KCNB2: variants seen among roughly 807,000 people sequenced by gnomAD.
KCNB2 encodes delayed rectifier potassium channel protein.
In KCNB2, 15 loss-of-function variants were observed where a neutral mutation model predicts 61.5. That is an observed-to-expected ratio of 0.24 (90% CI 0.16 to 0.38). The LOEUF is 0.38. KCNB2 is among the 10% of genes least tolerant of loss of function. The probability of loss-of-function intolerance (pLI) is 1.00; values close to 1 mark genes in which losing one functional copy is unlikely to be tolerated. For missense variants in KCNB2, 828 were observed against 1,125.2 expected, an observed-to-expected ratio of 0.74 and a Z score of 3.78; for synonymous variants, 457 against 446.0, an observed-to-expected ratio of 1.02 and a Z score of -0.31.
Position 72,636,862 on chromosome 8 carries a change from C to T in KCNB2, c.579+68549C>T, listed in dbSNP as rs79842343. On this transcript the variant is annotated intron_variant, in intron 2 of 2. Transcript: ENST00000523207. ...AGAAAAACAAACAGCCATAAAAGTC[C>T]GATATTGGCCCATTTCTGCCACCAA... Among the ~76,000 whole-genome samples the T allele has an allele frequency of 3.0e-3, 450 of 152,120 alleles. 2 individuals are homozygous for T. Among genetic ancestry groups the T allele is most frequent in the Middle Eastern group, 6.8e-3 (2 of 294 alleles).
chr8:72,818,020 T>C (rs1320619760), intron 2 of KCNB2, among the ~76,000 whole-genome samples: 3 of 152,156 alleles, frequency 2.0e-5, no homozygotes, highest in African/African-American at 7.2e-5. Flanking sequence ...ATTTCACAAG[T>C]AAAGAATTAT....
chr8:72,590,142 G>A (rs1446286914), intron 2 of KCNB2, among the ~76,000 whole-genome samples: 5 of 152,176 alleles, frequency 3.3e-5, no homozygotes, highest in African/African-American at 4.8e-5. Flanking sequence ...GACACCCAGA[G>A]TCATTTTACT....
chr8:72,799,324 TA>T (rs1265428702), intron 2 of KCNB2, among the ~76,000 whole-genome samples: 1 of 152,148 alleles, frequency 6.6e-6, no homozygotes, highest in African/African-American at 2.4e-5. Context: ...GACCCCCATC[TA>T]AAAAACTAAA....
chr8:72,664,913 A>T (rs1806442273), intron 2 of KCNB2, among the ~76,000 whole-genome samples: 1 of 152,212 alleles, frequency 6.6e-6, no homozygotes, highest in South Asian at 2.1e-4. Context: ...GGAAACAGCA[A>T]AGACAAAAGC....
At chr8:72,702,894 G>T (rs1035287960) in intron 2 of KCNB2, among the ~76,000 whole-genome samples, 1 of 152,118 alleles carries the variant, frequency 6.6e-6, no homozygotes, top group Non-Finnish European at 1.5e-5. Context: ...TCCACTCCCC[G>T]TGGCATGTCT....
intron 2 of KCNB2, among the ~76,000 whole-genome samples, chr8:72,928,660 A>G (rs771622182): frequency 8.9e-5 from 13 of 145,732 alleles, no homozygotes; most frequent in Non-Finnish European, 1.8e-4. Flanking sequence ...TTTACTTTCA[A>G]TTACATGGAA....
At chr8:72,796,683 A>T (rs923471059) in intron 2 of KCNB2, among the ~76,000 whole-genome samples, 1 of 152,200 alleles carries the variant, frequency 6.6e-6, no homozygotes, top group Non-Finnish European at 1.5e-5. Context: ...TGTAAATCAA[A>T]ATGCCCTAAA....
chr8:72,904,821 CT>C (rs1806147525), intron 2 of KCNB2, among the ~76,000 whole-genome samples: 1 of 152,156 alleles, frequency 6.6e-6, no homozygotes, highest in East Asian at 1.9e-4. Context: ...CTCCCCACCC[CT>C]CTCTGCCCTT....
At chr8:72,580,781 C>G (rs1400093804) in intron 2 of KCNB2, among the ~76,000 whole-genome samples, 1 of 152,178 alleles carries the variant, frequency 6.6e-6, no homozygotes, top group Non-Finnish European at 1.5e-5. Context: ...CCTTGATCAT[C>G]TCATGCTTGG....
intron 2 of KCNB2, among the ~76,000 whole-genome samples, chr8:72,635,033 C>G (rs138105902): frequency 1.3e-5 from 2 of 152,168 alleles, no homozygotes; most frequent in Non-Finnish European, 2.9e-5. Context: ...GTGTAACTGC[C>G]AGCAGGTGTG....
chr8:72,735,719 G>A (rs1209639858), intron 2 of KCNB2, among the ~76,000 whole-genome samples: 1 of 152,148 alleles, frequency 6.6e-6, no homozygotes, highest in African/African-American at 2.4e-5. Flanking sequence ...GAGCAGTAGG[G>A]CACAGTTTGT....
chr8:72,572,572 G>GTCTC (rs61567106), intron 2 of KCNB2, among the ~76,000 whole-genome samples: 3 of 149,536 alleles, frequency 2.0e-5, no homozygotes, highest in Admixed American at 6.6e-5. Flanking sequence ...CTCTCTCTGC[G>GTCTC]TCTCTCTCTC....
At chr8:72,831,265 T>C (rs1383793514) in intron 2 of KCNB2, among the ~76,000 whole-genome samples, 1 of 152,240 alleles carries the variant, frequency 6.6e-6, no homozygotes, top group Non-Finnish European at 1.5e-5. Flanking sequence ...TGTATTATAA[T>C]TATGTTATTT....
At chr8:72,743,587 C>T (rs962880769) in intron 2 of KCNB2, among the ~76,000 whole-genome samples, 28 of 152,302 alleles carry the variant, frequency 1.8e-4, no homozygotes, top group East Asian at 3.8e-4. Flanking sequence ...TAATCCTTGG[C>T]GCTGAGCCCA....
chr8:72,582,606 T>G (rs1187067108), intron 2 of KCNB2, among the ~76,000 whole-genome samples: 1 of 152,190 alleles, frequency 6.6e-6, no homozygotes, highest in East Asian at 1.9e-4. Flanking sequence ...ACAAATAAGT[T>G]CTTTTTAAAA....
At chr8:72,812,813 T>C (rs1053625141) in intron 2 of KCNB2, among the ~76,000 whole-genome samples, 4 of 152,342 alleles carry the variant, frequency 2.6e-5, no homozygotes, top group Admixed American at 6.5e-5. Flanking sequence ...TATTTTTACA[T>C]TGATATGCAT....
chr8:72,807,699 T>C (rs567499529), intron 2 of KCNB2, among the ~76,000 whole-genome samples: 1 of 152,300 alleles, frequency 6.6e-6, no homozygotes, highest in Admixed American at 6.5e-5. Context: ...AGATGACATC[T>C]GGGCAGGGGA....
At chr8:72,552,563 C>T (rs1234965726) in intron 1 of KCNB2, among the ~76,000 whole-genome samples, 1 of 152,156 alleles carries the variant, frequency 6.6e-6, no homozygotes, top group African/African-American at 2.4e-5. Context: ...GTTTCAAAAG[C>T]AGTGTGGTTT....
intron 1 of KCNB2, among the ~76,000 whole-genome samples, chr8:72,561,707 A>G (rs181241716): frequency 0.19 from 6,035 of 31,414 alleles, 700 homozygotes; most frequent in East Asian, 0.49. Context: ...ATATATATAT[A>G]TATATATATA....
Sources: gnomAD v4.1 joint callset for allele counts (sites outside exome capture counted in the v4.1 genomes callset) on GRCh38, gnomAD v4.1.1 for gene constraint, MANE v1.5 for transcripts, NCBI Gene and HGNC (gene_info 2026-07-23, HGNC 2026-07-21) for gene names.